Variants in RAPGEF6 observed in about 807,000 individuals in gnomAD.
RAPGEF6 encodes the protein Rap guanine nucleotide exchange factor 6.
A neutral mutation model predicts 171.4 loss-of-function variants in RAPGEF6; 56 were observed. The ratio of observed to expected loss-of-function variants is 0.33; its 90% confidence interval spans 0.26 to 0.41. The LOEUF is 0.41. Among genes scored for constraint, RAPGEF6 ranks in the 10% least tolerant of loss-of-function variants. The pLI is 1.00. For missense variants in RAPGEF6, 1,674 were observed against 1,921.4 expected (o/e 0.87, Z 2.41); for synonymous variants, 692 against 650.1 (o/e 1.06, Z -0.98).
At chr5:131,617,825 T>C (rs1339320512) in intron 1 of RAPGEF6, among the ~76,000 whole-genome samples, 2 of 152,184 alleles carry the variant, frequency 1.3e-5, no homozygotes, top group African/African-American at 2.4e-5. Context: ...AGGATTAAAA[T>C]ACACAGACTA....
chr5:131,510,501 G>T lies in RAPGEF6; in HGVS notation c.628-10C>A. On this transcript the variant is annotated splice_polypyrimidine_tract_variant and intron_variant, in intron 7 of 27. Transcript: ENST00000509018. ...CCTCACTCTCCGTAGCCTATGAAAAGAAATCTTGATCACTTACCATTTCAT... is the reference window on the plus strand; with the variant it reads ...CCTCACTCTCCGTAGCCTATGAAAATAAATCTTGATCACTTACCATTTCAT... The T allele has an allele frequency of 1.2e-6, 2 of 1,607,576 alleles. No individual in the cohort carries two copies. Among genetic ancestry groups the T allele is most frequent in the Non-Finnish European group, 1.7e-6 (2 of 1,177,552 alleles).
At chr5:131,628,108 T>G (rs1003040098) in intron 1 of RAPGEF6, among the ~76,000 whole-genome samples, 3 of 152,050 alleles carry the variant, frequency 2.0e-5, no homozygotes, top group Non-Finnish European at 4.4e-5. Flanking sequence ...AGTGTTCAAG[T>G]GAAAAGAGTC....
intron 4 of RAPGEF6, among the ~76,000 whole-genome samples, chr5:131,570,942 CTTTTTTT>C (rs767023216): frequency 7.8e-6 from 1 of 128,562 alleles, no homozygotes; most frequent in East Asian, 2.2e-4. Flanking sequence ...TCCCCAACTA[CTTTTTTT>C]TTTTTTTTTT....
At chr5:131,585,287 ACTATACATACATACAT>A (rs1561583703) in intron 4 of RAPGEF6, among the ~76,000 whole-genome samples, 81 of 122,898 alleles carry the variant, frequency 6.6e-4, no homozygotes, top group Non-Finnish European at 9.0e-4. Flanking sequence ...AAAAAAAAAA[ACTATACATACATACAT>A]ACATACATAC....
intron 13 of RAPGEF6, among the ~76,000 whole-genome samples, chr5:131,493,066 T>C (rs887926285): frequency 1.3e-5 from 2 of 152,036 alleles, no homozygotes; most frequent in African/African-American, 4.8e-5. Context: ...TTTATTTATT[T>C]ATTTATTTAT....
At chr5:131,446,303 A>T (rs1752685425) in intron 22 of RAPGEF6, among the ~76,000 whole-genome samples, 180 bp downstream of exon 22, 1 of 152,244 alleles carries the variant, frequency 6.6e-6, no homozygotes, top group African/African-American at 2.4e-5. Context: ...TGGATAGTGT[A>T]GCCATCAGGA....
At chr5:131,526,623 T>C (rs1350134072) in intron 6 of RAPGEF6, among the ~76,000 whole-genome samples, 1 of 152,218 alleles carries the variant, frequency 6.6e-6, no homozygotes, top group African/African-American at 2.4e-5. Flanking sequence ...TCCCTAAATC[T>C]TCTCCACTAT....
chr5:131,520,867 T>A (rs1463557893), intron 7 of RAPGEF6, among the ~76,000 whole-genome samples: 1 of 152,188 alleles, frequency 6.6e-6, no homozygotes, highest in Non-Finnish European at 1.5e-5. Context: ...ATTACAATGA[T>A]CACTGAAAAG....
intron 3 of RAPGEF6, among the ~76,000 whole-genome samples, chr5:131,600,074 T>C (rs1440634068): frequency 6.6e-6 from 1 of 152,230 alleles, no homozygotes; most frequent in Non-Finnish European, 1.5e-5. Context: ...ACAACTTCTC[T>C]GTATGAAGAT....
intron 6 of RAPGEF6, among the ~76,000 whole-genome samples, chr5:131,540,958 G>A (rs1255312471): frequency 6.6e-6 from 1 of 152,170 alleles, no homozygotes; most frequent in Non-Finnish European, 1.5e-5. Flanking sequence ...TCCAGCCCGG[G>A]CGACAGTGCA....
intron 24 of RAPGEF6, 51 bp from the exon 25 acceptor site, chr5:131,433,709 T>C: frequency 7.4e-7 from 1 of 1,343,022 alleles, no homozygotes; most frequent in Non-Finnish European, 1.1e-6. Flanking sequence ...GAACATATGG[T>C]GGGGGTAGTA....
At chr5:131,530,336 TAA>T (rs1219356350) in intron 6 of RAPGEF6, among the ~76,000 whole-genome samples, 1 of 152,072 alleles carries the variant, frequency 6.6e-6, no homozygotes, top group Non-Finnish European at 1.5e-5. Flanking sequence ...ACAATTATCT[TAA>T]GAGTAAATAT....
At chr5:131,513,042 G>GT (rs1757844028) in intron 7 of RAPGEF6, among the ~76,000 whole-genome samples, 1 of 152,168 alleles carries the variant, frequency 6.6e-6, no homozygotes, top group African/African-American at 2.4e-5. Context: ...AGGGGCAACT[G>GT]TATCTCATGA....
chr5:131,493,079 T>A (rs562223037), intron 13 of RAPGEF6, among the ~76,000 whole-genome samples: 105 of 150,706 alleles, frequency 7.0e-4, no homozygotes, highest in Admixed American at 2.0e-3. Flanking sequence ...TTATTTATTT[T>A]TTTGAGACGG....
At chr5:131,623,902 A>G (rs1460391497) in intron 1 of RAPGEF6, among the ~76,000 whole-genome samples, 1 of 152,230 alleles carries the variant, frequency 6.6e-6, no homozygotes, top group Non-Finnish European at 1.5e-5. Flanking sequence ...AGGAGCTTAC[A>G]ATCAGAGAGA....
At chr5:131,432,663 G>A (rs1401904243) in intron 25 of RAPGEF6, among the ~76,000 whole-genome samples, 1 of 152,008 alleles carries the variant, frequency 6.6e-6, no homozygotes, top group Non-Finnish European at 1.5e-5. Context: ...GTTTTACTGG[G>A]ACACAGTCAT....
Position 131,523,366 on chromosome 5 carries a change from C to T in RAPGEF6, c.496-1845G>A, listed in dbSNP as rs887749651. ...CATTCTTAGCTCACAGGTCATATAG[C>T]TCACTGGTCAGAATTGGTCCAGTTA... On this transcript the variant is annotated intron_variant, in intron 6 of 27. Coordinates refer to ENST00000509018, the MANE Select transcript of RAPGEF6 (RefSeq NM_016340.6). Among the ~76,000 whole-genome samples the T allele has an allele frequency of 9.2e-5, 13 of 141,184 alleles. No homozygotes were observed. In the South Asian group the frequency reaches 1.3e-3, roughly 14 times the overall value. 92.6% of individuals were successfully genotyped at this position (141,184 alleles called of 152,430 possible).
At chr5:131,595,066 T>C (rs1003547559) in intron 3 of RAPGEF6, among the ~76,000 whole-genome samples, 2 of 152,132 alleles carry the variant, frequency 1.3e-5, no homozygotes, top group African/African-American at 4.8e-5. Context: ...GAGAAGGACA[T>C]GAGATTTGGG....
At chr5:131,586,431 T>C (rs1374872464) in intron 4 of RAPGEF6, among the ~76,000 whole-genome samples, 10 of 152,182 alleles carry the variant, frequency 6.6e-5, no homozygotes, top group Non-Finnish European at 1.5e-5. Flanking sequence ...GGCAGGTGGA[T>C]TACTTGAGGC....
Sources: gnomAD v4.1 joint callset for allele counts (sites outside exome capture counted in the v4.1 genomes callset) on GRCh38, gnomAD v4.1.1 for gene constraint, MANE v1.5 for transcripts, NCBI Gene and HGNC (gene_info 2026-07-23, HGNC 2026-07-21) for gene names.